IMMP2L: variants seen among roughly 807,000 people sequenced by gnomAD.
The protein encoded by IMMP2L is mitochondrial inner membrane protease subunit 2.
In IMMP2L, 18 loss-of-function variants were observed where a neutral mutation model predicts 19.3. That is an observed-to-expected ratio of 0.93 (90% CI 0.64 to 1.38). The LOEUF is 1.38. Among genes scored for constraint, IMMP2L ranks in the 40% most tolerant of loss-of-function variants. The pLI is 0.00. For synonymous variants in IMMP2L, 76 were observed against 73.0 expected, an observed-to-expected ratio of 1.04 and a Z score of -0.21; for missense variants, 233 against 218.2, an observed-to-expected ratio of 1.07 and a Z score of -0.43.
chr7:111,108,286 T>G (rs771584228), intron 3 of IMMP2L, among the ~76,000 whole-genome samples: 5 of 152,224 alleles, frequency 3.3e-5, no homozygotes, highest in Non-Finnish European at 7.3e-5. Context: ...TGTTTATTAT[T>G]GCTCTTTTTG....
rs538053514 is a variant in IMMP2L at position 111,437,361 on chromosome 7, C to T, written c.239+49877G>A. On this transcript the variant is annotated intron_variant, in intron 3 of 5. Coordinates refer to ENST00000405709, the MANE Select transcript of IMMP2L (RefSeq NM_032549.4). Reference sequence around the variant, plus strand: ...TCAGGAGGCTGAGGCAAGAGAATCGCTTGAACCCGGGAGACAGAGGTTGCA... The same window carrying T: ...TCAGGAGGCTGAGGCAAGAGAATCGTTTGAACCCGGGAGACAGAGGTTGCA... Among the ~76,000 whole-genome samples, 356 of 151,912 alleles carry T rather than the reference C, an allele frequency of 2.3e-3. 3 individuals are homozygous for T. Among genetic ancestry groups the T allele is most frequent in the Middle Eastern group, 0.02 (6 of 294 alleles).
At chr7:111,092,914 T>C (rs866484955) in intron 3 of IMMP2L, among the ~76,000 whole-genome samples, 14 of 152,210 alleles carry the variant, frequency 9.2e-5, no homozygotes, top group Non-Finnish European at 7.3e-5. Flanking sequence ...GTCAGCTTCT[T>C]TGAAACTGTG....
chr7:111,402,991 ACCC>A (rs781654530), intron 3 of IMMP2L, among the ~76,000 whole-genome samples: 3 of 45,506 alleles, frequency 6.6e-5, no homozygotes, highest in African/African-American at 2.2e-4. Context: ...TGCAGCCTTG[ACCC>A]CCCCCCCCCA....
Position 111,030,410 on chromosome 7 carries a change from C to T in IMMP2L, c.240-66845G>A, listed in dbSNP as rs1255351651. ...AAAACATATGATCTCATAATGAATG[C>T]CAACAGATGATATACTTAGTTTTAT... On this transcript the variant is annotated intron_variant, in intron 3 of 5. Coordinates refer to ENST00000405709, the MANE Select transcript of IMMP2L (RefSeq NM_032549.4). Among the ~76,000 whole-genome samples, 5 of 152,048 alleles carry T rather than the reference C, an allele frequency of 3.3e-5. No homozygotes were observed. In the East Asian group the frequency reaches 5.8e-4, roughly 18 times the overall value.
rs149653687 is a variant in IMMP2L at position 111,003,615 on chromosome 7, A to C, written c.240-40050T>G. 4.0e-5 allele frequency among the ~76,000 whole-genome samples: 6 copies of C among 151,886 alleles called. No individual in the cohort carries two copies. In the East Asian group the frequency reaches 5.8e-4, roughly 15 times the overall value. On this transcript the variant is annotated intron_variant, in intron 3 of 5. Transcript: ENST00000405709. The stretch of plus-strand genomic sequence containing the variant: ...CAGCCTCGATCTCCTGGGCTCACAC[A>C]ACCTTCCCACCTTAGCCTCCTGGGT...
intron 5 of IMMP2L, among the ~76,000 whole-genome samples, chr7:110,827,857 T>C (rs757073947): frequency 1.3e-5 from 2 of 152,086 alleles, no homozygotes; most frequent in Admixed American, 1.3e-4. Context: ...AAGATGAACA[T>C]AGAAAACAAA....
At chr7:110,787,550 G>C (rs1800168177) in intron 5 of IMMP2L, among the ~76,000 whole-genome samples, 1 of 151,872 alleles carries the variant, frequency 6.6e-6, no homozygotes, top group Non-Finnish European at 1.5e-5. Context: ...TTCCCATTAA[G>C]TCTTCTGCTA....
At chr7:111,426,178 A>T (rs1390576100) in intron 3 of IMMP2L, among the ~76,000 whole-genome samples, 1 of 151,036 alleles carries the variant, frequency 6.6e-6, no homozygotes, top group Non-Finnish European at 1.5e-5. Flanking sequence ...AAGGTAAATT[A>T]TATATTTCTG....
chr7:111,460,508 C>T (rs1011884108), intron 3 of IMMP2L, among the ~76,000 whole-genome samples: 4 of 151,634 alleles, frequency 2.6e-5, no homozygotes, highest in East Asian at 1.9e-4. Context: ...CAAAGGTATT[C>T]GTGGGAGATT....
At chr7:111,228,096 T>C (rs921268584) in intron 3 of IMMP2L, among the ~76,000 whole-genome samples, 1 of 152,154 alleles carries the variant, frequency 6.6e-6, no homozygotes. Flanking sequence ...CAACCAAGAA[T>C]TCCCTCATTA....
chr7:110,762,464 T>A (rs1798407390), intron 5 of IMMP2L, among the ~76,000 whole-genome samples: 1 of 152,156 alleles, frequency 6.6e-6, no homozygotes, highest in South Asian at 2.1e-4. Context: ...CATGTTCATT[T>A]GAAGAGCTTA....
chr7:110,662,955 G>T lies in IMMP2L; in HGVS notation c.*647C>A, dbSNP rs141485048. The T allele has an allele frequency of 7.7e-4, 118 of 152,434 alleles. 1 individual carries two copies. The highest frequency in any genetic ancestry group is 2.5e-3 in the African/African-American group (104 of 41,556). 9.4% of individuals were successfully genotyped at this position (152,434 alleles called of 1,614,324 possible). On this transcript the variant is annotated 3_prime_UTR_variant, in exon 6 of 6. Transcript: ENST00000405709. ...CTGTATGCAAGTGTCGACAGAATGGGTTCTCCATTACTTTGATTCCTTATT... is the reference window on the plus strand; with the variant it reads ...CTGTATGCAAGTGTCGACAGAATGGTTTCTCCATTACTTTGATTCCTTATT...
At chr7:110,997,210 T>C (rs1302365613) in intron 3 of IMMP2L, among the ~76,000 whole-genome samples, 3 of 152,190 alleles carry the variant, frequency 2.0e-5, no homozygotes, top group Non-Finnish European at 4.4e-5. Context: ...ATCCAGTTTG[T>C]TGCATATATC....
At chr7:110,902,291 A>C (rs145235326) in intron 4 of IMMP2L, among the ~76,000 whole-genome samples, 5 of 151,784 alleles carry the variant, frequency 3.3e-5, no homozygotes, top group African/African-American at 1.2e-4. Context: ...TTATAGAAAA[A>C]ATAATAAGTG....
At chr7:111,172,767 T>G (rs948516013) in intron 3 of IMMP2L, among the ~76,000 whole-genome samples, 25 of 151,620 alleles carry the variant, frequency 1.6e-4, no homozygotes, top group African/African-American at 6.0e-4. Flanking sequence ...GTGCCTGGTT[T>G]ATGTCATTTA....
At chr7:110,805,497 C>A (rs1801570168) in intron 5 of IMMP2L, among the ~76,000 whole-genome samples, 2 of 152,112 alleles carry the variant, frequency 1.3e-5, no homozygotes, top group East Asian at 1.9e-4. Context: ...AAGATTTGCA[C>A]CTATCTTTAA....
At chr7:111,148,621 G>A (rs1456841074) in intron 3 of IMMP2L, among the ~76,000 whole-genome samples, 1 of 151,928 alleles carries the variant, frequency 6.6e-6, no homozygotes, top group Non-Finnish European at 1.5e-5. Context: ...TGAGATTATT[G>A]CAATAATTTC....
chr7:111,461,124 T>C (rs577535000), intron 3 of IMMP2L, among the ~76,000 whole-genome samples: 2 of 152,274 alleles, frequency 1.3e-5, no homozygotes, highest in South Asian at 4.1e-4. Flanking sequence ...TTTCAATTTT[T>C]GTACCATTAC....
intron 3 of IMMP2L, among the ~76,000 whole-genome samples, chr7:110,984,287 T>C (rs1821623481): frequency 6.8e-6 from 1 of 146,892 alleles, no homozygotes; most frequent in Admixed American, 6.7e-5. Context: ...ATGTTACTTA[T>C]CACCAAAAAA....
Sources: gnomAD v4.1 joint callset for allele counts (sites outside exome capture counted in the v4.1 genomes callset) on GRCh38, gnomAD v4.1.1 for gene constraint, MANE v1.5 for transcripts, NCBI Gene and HGNC (gene_info 2026-07-23, HGNC 2026-07-21) for gene names.